LRRC4C: variants seen among roughly 807,000 people sequenced by gnomAD.
LRRC4C encodes leucine-rich repeat-containing protein 4C.
LRRC4C carries 5 observed loss-of-function variants against 33.6 expected under a neutral mutation model. That is an observed-to-expected ratio of 0.15 (90% CI 0.08 to 0.31). LRRC4C has a LOEUF of 0.31. Ranked by LOEUF, LRRC4C falls within the 10% of genes least tolerant of loss-of-function variation. LRRC4C has a pLI of 1.00. For synonymous variants in LRRC4C, 329 were observed against 302.0 expected (o/e 1.09, Z -0.93); for missense variants, 560 against 796.7 (o/e 0.70, Z 3.58).
At chr11:41,021,168 AGAGAGAGAGAG>A (rs1855940473) in intron 1 of LRRC4C, among the ~76,000 whole-genome samples, 1 of 24,180 alleles carries the variant, frequency 4.1e-5, no homozygotes, top group Non-Finnish European at 9.6e-5. Context: ...AGAGAGAGAG[AGAGAGAGAGAG>A]AGAGAGAGAG....
chr11:41,260,782 T>C (rs1948956211), intron 1 of LRRC4C, among the ~76,000 whole-genome samples: 1 of 152,038 alleles, frequency 6.6e-6, no homozygotes, highest in African/African-American at 2.4e-5. Flanking sequence ...AACCTAGCAG[T>C]AGAGAATAGT....
intron 2 of LRRC4C, among the ~76,000 whole-genome samples, chr11:40,756,644 C>T (rs1275724484): frequency 6.6e-6 from 1 of 152,020 alleles, no homozygotes; most frequent in African/African-American, 2.4e-5. Context: ...TTTGACAAAT[C>T]ACCTCAAAAG....
intron 2 of LRRC4C, among the ~76,000 whole-genome samples, chr11:40,750,087 T>G (rs1409961439): frequency 6.6e-6 from 1 of 151,984 alleles, no homozygotes; most frequent in African/African-American, 2.4e-5. Flanking sequence ...TAGGCAGTAG[T>G]GGTGTGCACC....
chr11:40,410,191 T>C (rs978650872), intron 3 of LRRC4C, among the ~76,000 whole-genome samples: 6 of 151,872 alleles, frequency 4.0e-5, no homozygotes, highest in African/African-American at 1.2e-4. Context: ...ATAATAGAAA[T>C]GTAAGGTACA....
intron 4 of LRRC4C, among the ~76,000 whole-genome samples, chr11:40,252,863 T>A (rs993551936): frequency 6.6e-6 from 1 of 152,216 alleles, no homozygotes; most frequent in Non-Finnish European, 1.5e-5. Flanking sequence ...GACATGTCAC[T>A]GCACAAAATA....
At chr11:40,338,051 T>C (rs1946707283) in intron 3 of LRRC4C, among the ~76,000 whole-genome samples, 1 of 152,224 alleles carries the variant, frequency 6.6e-6, no homozygotes, top group African/African-American at 2.4e-5. Context: ...TTAGATTTTC[T>C]AACCTTAAAC....
At chr11:41,120,275 C>A (rs955590768) in intron 1 of LRRC4C, among the ~76,000 whole-genome samples, 1 of 152,106 alleles carries the variant, frequency 6.6e-6, no homozygotes, top group Non-Finnish European at 1.5e-5. Flanking sequence ...ATCCAACCTG[C>A]CAAAAAACCA....
At chr11:41,257,278 T>C (rs1345134198) in intron 1 of LRRC4C, among the ~76,000 whole-genome samples, 8 of 151,842 alleles carry the variant, frequency 5.3e-5, no homozygotes, top group Admixed American at 4.6e-4. Context: ...AGGTGAAAAA[T>C]GTGAAAGACA....
At chr11:40,595,875 G>T (rs981407557) in intron 3 of LRRC4C, among the ~76,000 whole-genome samples, 3 of 152,172 alleles carry the variant, frequency 2.0e-5, no homozygotes, top group African/African-American at 4.8e-5. Context: ...AAGCAGAGTG[G>T]CTTGGAATTA....
intron 5 of LRRC4C, among the ~76,000 whole-genome samples, chr11:40,213,136 A>ATAATT (rs1863726518): frequency 1.3e-5 from 2 of 152,154 alleles, no homozygotes; most frequent in Non-Finnish European, 2.9e-5. Context: ...CGCAGAATGC[A>ATAATT]GCTGGGCCAA....
chr11:40,643,362 T>C (rs1344188725), intron 3 of LRRC4C, among the ~76,000 whole-genome samples: 1 of 152,190 alleles, frequency 6.6e-6, no homozygotes, highest in African/African-American at 2.4e-5. Context: ...TCTACATTTC[T>C]ACCTTCACCC....
chr11:40,805,376 G>A (rs73470892), intron 2 of LRRC4C, among the ~76,000 whole-genome samples: 5,525 of 152,180 alleles, frequency 0.036, 337 homozygotes, highest in African/African-American at 0.13. Flanking sequence ...TGGACAAATC[G>A]TCACTTACAG....
intron 3 of LRRC4C, among the ~76,000 whole-genome samples, chr11:40,533,352 T>C (rs10501236): frequency 0.088 from 13,367 of 152,154 alleles, 1,669 homozygotes; most frequent in African/African-American, 0.28. Flanking sequence ...GAGAACTTCA[T>C]TTATAAACTA....
intron 3 of LRRC4C, among the ~76,000 whole-genome samples, chr11:40,409,376 C>A (rs568741042): frequency 1.7e-4 from 26 of 151,832 alleles, no homozygotes; most frequent in South Asian, 6.3e-4. Flanking sequence ...GCAACAAAAG[C>A]CAAAATAGAC....
At chr11:41,428,455 T>C (rs1387388255) in intron 1 of LRRC4C, among the ~76,000 whole-genome samples, 4 of 152,286 alleles carry the variant, frequency 2.6e-5, no homozygotes, top group African/African-American at 4.8e-5. Flanking sequence ...TTTTTTGTCA[T>C]GTAAGTTTCA....
chr11:40,935,515 A>G (rs902462482), intron 1 of LRRC4C, among the ~76,000 whole-genome samples: 2 of 152,094 alleles, frequency 1.3e-5, no homozygotes, highest in African/African-American at 4.8e-5. Context: ...GTATTTTTAG[A>G]TACACAAATA....
At chr11:40,888,911 GAACTA>G (rs1202396036) in intron 2 of LRRC4C, among the ~76,000 whole-genome samples, 1 of 151,804 alleles carries the variant, frequency 6.6e-6, no homozygotes, top group Non-Finnish European at 1.5e-5. Context: ...AAGGAATTCT[GAACTA>G]AATTAATACA....
intron 1 of LRRC4C, among the ~76,000 whole-genome samples, chr11:41,298,460 G>A (rs1380826781): frequency 2.0e-5 from 3 of 151,646 alleles, no homozygotes; most frequent in East Asian, 3.9e-4. Flanking sequence ...TAAGCTAAAC[G>A]CAGTCATTAT....
rs144900263 is a variant in LRRC4C at position 41,150,400 on chromosome 11, A to G, written c.-495-216677T>C. Reference sequence around the variant, plus strand: ...GACATGGTGCTCAACAGTATTCCAAAAAATAGAGACTTATCTTCAAATTTA... The same window carrying G: ...GACATGGTGCTCAACAGTATTCCAAGAAATAGAGACTTATCTTCAAATTTA... On this transcript the variant is annotated intron_variant, in intron 1 of 6. Transcript: ENST00000528697. Among the ~76,000 whole-genome samples, 735 of 152,354 alleles carry G rather than the reference A, an allele frequency of 4.8e-3. 4 individuals carry two copies. The highest frequency in any genetic ancestry group is 0.017 in the African/African-American group (690 of 41,576).
Sources: gnomAD v4.1 joint callset for allele counts (sites outside exome capture counted in the v4.1 genomes callset) on GRCh38, gnomAD v4.1.1 for gene constraint, MANE v1.5 for transcripts, NCBI Gene and HGNC (gene_info 2026-07-23, HGNC 2026-07-21) for gene names.